IBTK: variants seen among roughly 807,000 people sequenced by gnomAD.
IBTK encodes inhibitor of Bruton tyrosine kinase.
A neutral mutation model predicts 154.9 loss-of-function variants in IBTK; 83 were observed. The ratio of observed to expected loss-of-function variants is 0.54; its 90% CI spans 0.45 to 0.64. The LOEUF (loss-of-function observed/expected upper bound fraction) is 0.64, where lower values mean the gene tolerates loss of function less well. Among genes scored for constraint, IBTK ranks in the 30% least tolerant of loss-of-function variants. IBTK has a pLI of 0.00. For missense variants in IBTK, 1,332 were observed against 1,584.6 expected (o/e 0.84, Z 2.71); for synonymous variants, 515 against 536.1 (o/e 0.96, Z 0.54).
intron 4 of IBTK, among the ~76,000 whole-genome samples, chr6:82,227,886 C>A (rs1195238440): frequency 6.6e-6 from 1 of 151,128 alleles, no homozygotes; most frequent in Admixed American, 6.6e-5. Context: ...TTTTTCTCTC[C>A]TTTCCCACTT....
At chr6:82,222,926 T>C (rs980278146) in intron 8 of IBTK, among the ~76,000 whole-genome samples, 6 of 151,774 alleles carry the variant, frequency 4.0e-5, no homozygotes, top group African/African-American at 1.5e-4. Context: ...AAAAACTTTA[T>C]GATTCTTTGC....
intron 26 of IBTK, among the ~76,000 whole-genome samples, chr6:82,179,918 A>C (rs190629451): frequency 6.6e-6 from 1 of 152,188 alleles, no homozygotes; most frequent in Non-Finnish European, 1.5e-5. Flanking sequence ...CTGAAATGGG[A>C]AGCATTAAGA....
At chr6:82,178,703 A>G (rs75657931) in intron 26 of IBTK, among the ~76,000 whole-genome samples, 3,419 of 152,326 alleles carry the variant, frequency 0.022, 148 homozygotes, top group African/African-American at 0.078. Context: ...ACTAATAAAT[A>G]TGGAACGTAC....
rs922735622 is a variant in IBTK, at chr6:82,191,657, C to T, written c.3431+130G>A. On this transcript the variant is annotated intron_variant, in intron 24 of 28. Coordinates refer to ENST00000306270, the MANE Select transcript of IBTK (RefSeq NM_015525.4). ...AAATAATATTATGGAGGCTAAATTG[C>T]CCAGAAAAGGATGTATAATTAACTA... 3 of 722,346 alleles carry T rather than the reference C, an allele frequency of 4.2e-6. No individual in the cohort carries two copies. In the African/African-American group the frequency reaches 5.3e-5, roughly 13 times the overall value. The allele number at this position is 722,346 out of a possible 1,614,324, so 44.7% of individuals were successfully genotyped here.
At chr6:82,172,670 C>T in intron 27 of IBTK, 158 bp from the exon 28 acceptor site, 1 of 586,012 alleles carries the variant, frequency 1.7e-6, no homozygotes, top group East Asian at 3.1e-5. Context: ...ATGAGTTTCA[C>T]TCATCTTCCT....
At chr6:82,197,603 T>G (rs989007901) in intron 21 of IBTK, among the ~76,000 whole-genome samples, 1 of 152,078 alleles carries the variant, frequency 6.6e-6, no homozygotes, top group African/African-American at 2.4e-5. Context: ...GAGCTCCTGA[T>G]TTTGTGGTCC....
intron 10 of IBTK, 145 bp from the exon 11 acceptor site, chr6:82,216,395 C>G (rs145456564): frequency 3.3e-6 from 2 of 597,726 alleles, no homozygotes; most frequent in Non-Finnish European, 5.7e-6. Flanking sequence ...ACTACATCCT[C>G]TCTTCAACAC....
rs746332496 is a variant in IBTK at position 82,216,215 on chromosome 6, C to T, written c.1462G>A (p.Val488Met). Residue 488 changes from valine (V) to methionine (M), a missense_variant, in exon 11 of 29, where the codon GTG (valine) becomes ATG (methionine). Coordinates refer to ENST00000306270, the MANE Select transcript of IBTK (RefSeq NM_015525.4). The stretch of plus-strand genomic sequence containing the variant: ...CTATTTATATCAGAGACATAAGACA[C>T]ATCTGATGAGGAATTGTGAAGGTTT... Reference protein sequence around the residue: ...LSNLHNSSSDVSYVSDINSVY... With the variant: ...LSNLHNSSSDMSYVSDINSVY... 3.8e-6 allele frequency: 6 copies of T among 1,594,938 alleles called. No homozygotes were observed. The highest frequency in any genetic ancestry group is 1.4e-5 in the African/African-American group (1 of 73,842).
At chr6:82,176,154 G>A (rs952948590) in intron 26 of IBTK, among the ~76,000 whole-genome samples, 1 of 152,056 alleles carries the variant, frequency 6.6e-6, no homozygotes, top group Non-Finnish European at 1.5e-5. Context: ...TAATTAGAAA[G>A]ATTTTTATAT....
chr6:82,220,937 T>TACACACACAC (rs57358110), intron 8 of IBTK, among the ~76,000 whole-genome samples: 10,296 of 129,998 alleles, frequency 0.079, 562 homozygotes, highest in East Asian at 0.11. Flanking sequence ...TGACTTTACC[T>TACACACACAC]ACACACACAC....
At chr6:82,208,080 C>A (rs1769477399) in intron 16 of IBTK, among the ~76,000 whole-genome samples, 1 of 149,588 alleles carries the variant, frequency 6.7e-6, no homozygotes, top group South Asian at 2.1e-4. Context: ...GTACTGCATA[C>A]TTGAGATTTG....
chr6:82,173,153 C>T (rs1005892993), intron 27 of IBTK: 81 of 371,262 alleles, frequency 2.2e-4, no homozygotes, highest in Non-Finnish European at 3.1e-4. Flanking sequence ...AGGCATGCGC[C>T]ACCATGCCCA....
At chr6:82,215,450 C>T (rs1040239817) in intron 11 of IBTK, among the ~76,000 whole-genome samples, 6 of 152,112 alleles carry the variant, frequency 3.9e-5, no homozygotes, top group African/African-American at 1.4e-4. Context: ...ATTTATAATA[C>T]ATTTTTCAGA....
intron 25 of IBTK, among the ~76,000 whole-genome samples, chr6:82,184,929 C>T (rs1027425604): frequency 3.9e-5 from 6 of 152,012 alleles, no homozygotes; most frequent in African/African-American, 1.4e-4. Context: ...CACCTGTAAT[C>T]CCAGCACTTT....
At chr6:82,200,548 A>G in intron 20 of IBTK, 39 bp downstream of exon 20, 4 of 1,454,938 alleles carry the variant, frequency 2.7e-6, no homozygotes, top group African/African-American at 1.4e-5. Context: ...AAGAAGGAAG[A>G]AAAGGAGGAA....
intron 4 of IBTK, 60 bp from the exon 5 acceptor site, chr6:82,227,362 G>T: frequency 5.1e-6 from 5 of 986,706 alleles, no homozygotes; most frequent in Non-Finnish European, 7.5e-6. Flanking sequence ...TTTATTTTAT[G>T]AAAAAGAAAT....
chr6:82,191,142 T>A lies in IBTK; in HGVS notation c.3506A>T (p.Asn1169Ile), dbSNP rs193921029. 1 of 1,609,350 alleles carries A rather than the reference T, an allele frequency of 6.2e-7. No homozygotes were observed. The highest frequency in any genetic ancestry group is 8.5e-7 in the Non-Finnish European group (1 of 1,177,580). ...KMIALTTKEN[N>I]SGMNSMETVL... ...TGTTTCCATGCTATTCATTCCTGAA[T>A]TGTTTTCCTTGGTAGTCAATGCAAT... The change falls in exon 25 of 29, where the codon AAT (asparagine) becomes ATT (isoleucine). Residue 1169 changes from asparagine (N) to isoleucine (I), a missense_variant. By Grantham distance (149) the Asn-to-Ile change is moderately radical. Around this residue, in one of 3 missense-constraint regions of IBTK, gnomAD observed 1,134 missense variants for 1,274.7 expected, o/e 0.89. Coordinates refer to ENST00000306270, the MANE Select transcript of IBTK (RefSeq NM_015525.4).
intron 26 of IBTK, among the ~76,000 whole-genome samples, chr6:82,173,927 A>G (rs922243354): frequency 1.1e-4 from 16 of 152,170 alleles, no homozygotes; most frequent in Non-Finnish European, 2.4e-4. Flanking sequence ...AACTATAAAA[A>G]TCACAATATT....
chr6:82,236,911 G>A (rs182253922), intron 2 of IBTK, among the ~76,000 whole-genome samples: 1 of 152,288 alleles, frequency 6.6e-6, no homozygotes, highest in East Asian at 1.9e-4. Context: ...AGGATTTAGG[G>A]GAAAACCGTC....
Sources: allele counts gnomAD v4.1 joint callset (sites outside exome capture counted in the v4.1 genomes callset), GRCh38; gene constraint gnomAD v4.1.1; regional missense constraint gnomAD v4.1.1; transcripts MANE v1.5; gene names NCBI Gene and HGNC (gene_info 2026-07-23, HGNC 2026-07-21).